EVC: variants seen among roughly 807,000 people sequenced by gnomAD.
The protein encoded by EVC is evC complex member EVC.
A neutral mutation model predicts 118.9 loss-of-function variants in EVC; 116 were observed. That is an observed-to-expected ratio of 0.98 (90% CI 0.84 to 1.14). The LOEUF is 1.14. EVC is among the 50% of genes most tolerant of loss of function. EVC has a pLI of 0.00. For synonymous variants in EVC, 619 were observed against 534.7 expected, an observed-to-expected ratio of 1.16 and a Z score of -2.18; for missense variants, 1,401 against 1,246.4, an observed-to-expected ratio of 1.12 and a Z score of -1.87.
downstream of EVC, chr4:5,814,360 A>C (rs1225481090): frequency 6.6e-6 from 1 of 151,166 alleles, no homozygotes; most frequent in African/African-American, 2.4e-5. Flanking sequence ...GGTTTTTTGT[A>C]CTCCCCCAGG....
At chr4:5,827,120 C>T in the EVC span, among the ~76,000 whole-genome samples, 2 of 152,322 alleles carry the variant, frequency 1.3e-5, no homozygotes, top group East Asian at 3.9e-4. Context: ...AATGGGACCC[C>T]CCGATCCTAT....
At position 5,738,539 on chromosome 4, in the gene EVC, C is replaced by G. The variant is rs1001160288; in HGVS notation, c.703-3177C>G. Among the ~76,000 whole-genome samples, 1 of 152,066 alleles carries G rather than the reference C, an allele frequency of 6.6e-6. No individual in the cohort carries two copies. Among genetic ancestry groups the G allele is most frequent in the Non-Finnish European group, 1.5e-5 (1 of 68,014 alleles). On this transcript the variant is annotated intron_variant, in intron 5 of 20. Transcript: ENST00000264956. This position sits in a 1 kb window ranked among gnomAD's most constrained non-coding sequence, Gnocchi z 6.5. ...CACAGCCACCCTAACCTTCAGCAAC[C>G]ACTACCCTCATAAGTCAGTAGCCAT... is the stretch of plus-strand genomic sequence containing the variant.
At chr4:5,748,082 C>G (rs1021472392) in intron 7 of EVC, 66 bp from the exon 8 acceptor site, 9 of 1,557,852 alleles carry the variant, frequency 5.8e-6, no homozygotes, top group Non-Finnish European at 7.1e-6. Flanking sequence ...TTCCCGAGCA[C>G]GCACCGTTTG....
chr4:5,803,444 C>T (rs1405869266), intron 16 of EVC, among the ~76,000 whole-genome samples: 2 of 152,208 alleles, frequency 1.3e-5, no homozygotes, highest in East Asian at 1.9e-4. Context: ...AGGAGACAGA[C>T]ATGATTGCTT....
intron 15 of EVC, chr4:5,801,671 CAAAAAAAAA>C (rs35554149): frequency 8.1e-5 from 20 of 247,792 alleles, no homozygotes; most frequent in South Asian, 2.2e-4. Context: ...GTCTCCATCT[CAAAAAAAAA>C]AAAAAAAAAA....
chr4:5,776,260 A>G (rs1049034800), intron 11 of EVC, among the ~76,000 whole-genome samples: 2 of 152,130 alleles, frequency 1.3e-5, no homozygotes, highest in Admixed American at 6.5e-5. Flanking sequence ...ACCTTTTAGC[A>G]TTAGGAAATG....
At chr4:5,764,785 TTC>T (rs1732613427) in intron 11 of EVC, among the ~76,000 whole-genome samples, 2 of 148,454 alleles carry the variant, frequency 1.3e-5, no homozygotes, top group African/African-American at 5.0e-5. Context: ...TATTTGATTC[TTC>T]TCTCTTTTCT....
At chr4:5,720,629 G>A (rs1048934189) in intron 2 of EVC, among the ~76,000 whole-genome samples, 1 of 152,222 alleles carries the variant, frequency 6.6e-6, no homozygotes, top group African/African-American at 2.4e-5. Context: ...CAGCTTTTGC[G>A]TTAGCCCTGC....
chr4:5,712,045 C>T (rs1402909376), intron 1 of EVC, among the ~76,000 whole-genome samples: 1 of 152,210 alleles, frequency 6.6e-6, no homozygotes, highest in Admixed American at 6.5e-5. Flanking sequence ...CTTCTACAGC[C>T]AGTCACTGGC....
Position 5,812,281 on chromosome 4 carries a change from G to A in EVC, c.*1244G>A, listed in dbSNP as rs1717044121. 6.1e-6 allele frequency: 1 copy of A among 163,182 alleles called. No homozygotes were observed. Among genetic ancestry groups the A allele is most frequent in the South Asian group, 1.5e-4 (1 of 6,546 alleles). 10.1% of individuals were successfully genotyped at this position (163,182 alleles called of 1,614,324 possible). On this transcript the variant is annotated 3_prime_UTR_variant, in exon 21 of 21. Coordinates refer to ENST00000264956, the MANE Select transcript of EVC (RefSeq NM_153717.3). ...AGCCCCTCACACCACAGCCAGGAGA[G>A]GCCTTTCCCACCGGGAGAGAAACTT...
At position 5,752,935 on chromosome 4, in the gene EVC, A is replaced by G. The variant is rs781622764; in HGVS notation, c.1198A>G (p.Ile400Val). 4.3e-6 allele frequency: 7 copies of G among 1,614,118 alleles called. No individual in the cohort carries two copies. The highest frequency in any genetic ancestry group is 5.9e-6 in the Non-Finnish European group (7 of 1,180,026). ...GGAGACCAGGTGCCGGCTGGCTGCCATCTCCCACGGCCTGGAGCTGCTGGC... is the reference window on the plus strand; with the variant it reads ...GGAGACCAGGTGCCGGCTGGCTGCCGTCTCCCACGGCCTGGAGCTGCTGGC... ...QEETRCRLAA[I>V]SHGLELLAGE... The change falls in exon 9 of 21, where the codon ATC becomes GTC. Residue 400 changes from isoleucine to valine, a missense_variant. Coordinates refer to ENST00000264956, the MANE Select transcript of EVC (RefSeq NM_153717.3).
At chr4:5,729,552 T>C (rs1296706369) in intron 3 of EVC, among the ~76,000 whole-genome samples, 162 bp downstream of exon 3, 2 of 152,184 alleles carry the variant, frequency 1.3e-5, no homozygotes, top group African/African-American at 4.8e-5. Flanking sequence ...GAACAGGACA[T>C]GCCCATGGTA....
intron 11 of EVC, among the ~76,000 whole-genome samples, chr4:5,759,072 C>T (rs1483691060): frequency 7.2e-5 from 6 of 83,190 alleles, no homozygotes; most frequent in African/African-American, 1.6e-4. Flanking sequence ...TTGTGGAGGG[C>T]GGTGGGGGCG....
At chr4:5,767,072 G>A (rs1032271944) in intron 11 of EVC, among the ~76,000 whole-genome samples, 2 of 149,864 alleles carry the variant, frequency 1.3e-5, no homozygotes, top group African/African-American at 4.9e-5. Context: ...TGTACAGATG[G>A]GTTTTTGGTG....
chr4:5,828,164 G>A, the EVC span: 42 of 985,264 alleles, frequency 4.3e-5, no homozygotes, highest in South Asian at 9.4e-5. Flanking sequence ...AGCACCTCCC[G>A]TGGGTGGGCA....
chr4:5,801,918 C>A (rs1319858794), intron 15 of EVC, 32 bp from the exon 16 acceptor site: 2 of 1,610,020 alleles, frequency 1.2e-6, no homozygotes, highest in South Asian at 2.2e-5. Flanking sequence ...TGTGACTTCT[C>A]TGCTGTCCCT....
chr4:5,711,213 A>C lies in EVC; in HGVS notation c.-168A>C. On this transcript the variant is annotated 5_prime_UTR_variant, in exon 1 of 21. Coordinates refer to ENST00000264956, the MANE Select transcript of EVC (RefSeq NM_153717.3). ...CAGGCTCCTCCCTCCGGCTCGGCGA[A>C]GCAGGGAAGGGGAGAGAAGCAGGAG... 3.3e-6 allele frequency: 1 copy of C among 305,462 alleles called. No homozygotes were observed. Among genetic ancestry groups the C allele is most frequent in the Non-Finnish European group, 4.8e-6 (1 of 207,502 alleles). The allele number at this position is 305,462 out of a possible 1,614,324, so 18.9% of individuals were successfully genotyped here.
At chr4:5,769,789 G>C (rs1235533834) in intron 11 of EVC, among the ~76,000 whole-genome samples, 1 of 152,182 alleles carries the variant, frequency 6.6e-6, no homozygotes, top group East Asian at 1.9e-4. Flanking sequence ...GTCCCAGGAA[G>C]TTAGGGCTGA....
chr4:5,764,178 G>A (rs200514696), intron 11 of EVC, among the ~76,000 whole-genome samples: 120 of 130,370 alleles, frequency 9.2e-4, no homozygotes, highest in Middle Eastern at 3.9e-3. Flanking sequence ...TTTTGTCTTT[G>A]GTTCTGTTTA....
Sources: gnomAD v4.1 joint callset for allele counts (sites outside exome capture counted in the v4.1 genomes callset) on GRCh38, gnomAD v4.1.1 for gene constraint, Gnocchi (gnomAD v3.1) non-coding constraint, MANE v1.5 for transcripts, NCBI Gene and HGNC (gene_info 2026-07-23, HGNC 2026-07-21) for gene names.